Variants in NKAIN3 observed in about 807,000 individuals in gnomAD.
NKAIN3 encodes sodium/potassium-transporting ATPase subunit beta-1-interacting protein 3.
NKAIN3 carries 25 observed loss-of-function variants against 30.2 expected under a neutral mutation model. That is an observed-to-expected ratio of 0.83 (90% CI 0.60 to 1.16). The LOEUF (loss-of-function observed/expected upper bound fraction) is 1.16, where lower values mean the gene tolerates loss of function less well. NKAIN3 is among the 50% of genes most tolerant of loss of function. The pLI is 0.00. For synonymous variants in NKAIN3, 91 were observed against 89.6 expected, an observed-to-expected ratio of 1.02 and a Z score of -0.09; for missense variants, 225 against 254.1, an observed-to-expected ratio of 0.89 and a Z score of 0.78.
At chr8:62,722,362 C>T (rs1021999062) in intron 3 of NKAIN3, among the ~76,000 whole-genome samples, 3 of 152,052 alleles carry the variant, frequency 2.0e-5, no homozygotes, top group South Asian at 4.1e-4. Context: ...TAAAACACTA[C>T]GAAAGATACC....
chr8:62,718,860 A>C (rs1814991730), intron 3 of NKAIN3, among the ~76,000 whole-genome samples: 1 of 152,068 alleles, frequency 6.6e-6, no homozygotes, highest in African/African-American at 2.4e-5. Context: ...TTTATTTTAA[A>C]GTATACATGT....
intron 1 of NKAIN3, among the ~76,000 whole-genome samples, chr8:62,522,557 A>C (rs1280682062): frequency 1.3e-5 from 2 of 152,072 alleles, no homozygotes; most frequent in African/African-American, 2.4e-5. Flanking sequence ...TGACAGCTCC[A>C]TGCGTGTCAT....
chr8:62,650,919 AAAT>A (rs1367823350), intron 3 of NKAIN3, among the ~76,000 whole-genome samples: 1 of 152,170 alleles, frequency 6.6e-6, no homozygotes, highest in Non-Finnish European at 1.5e-5. Context: ...ATGTTGGCTG[AAAT>A]AATATTTTCT....
intron 1 of NKAIN3, among the ~76,000 whole-genome samples, chr8:62,503,622 A>G (rs747514297): frequency 3.3e-5 from 5 of 152,008 alleles, no homozygotes; most frequent in Non-Finnish European, 5.9e-5. Flanking sequence ...GCAGCCGTCT[A>G]TGGACCTTCC....
At chr8:62,900,021 AC>A (rs1193767613) in intron 4 of NKAIN3, among the ~76,000 whole-genome samples, 2 of 109,452 alleles carry the variant, frequency 1.8e-5, no homozygotes, top group Non-Finnish European at 3.5e-5. Flanking sequence ...CCCTAAAGCT[AC>A]TGAAATTAAA....
At chr8:62,987,153 G>A (rs760887716), downstream of NKAIN3, among the ~76,000 whole-genome samples, 2 of 152,116 alleles carry the variant, frequency 1.3e-5, no homozygotes, top group African/African-American at 2.4e-5. Context: ...TTGGGAGGCC[G>A]AGGTGGCTGA....
chr8:62,863,325 A>G, intron 4 of NKAIN3: 2 of 1,549,028 alleles, frequency 1.3e-6, no homozygotes, highest in Non-Finnish European at 1.8e-6. Flanking sequence ...GAGGAGGAAT[A>G]CCTGCTTTCT....
intron 1 of NKAIN3, among the ~76,000 whole-genome samples, chr8:62,267,310 C>G (rs1435828647): frequency 6.6e-6 from 1 of 152,126 alleles, no homozygotes; most frequent in Admixed American, 6.6e-5. Context: ...AAACATTTTT[C>G]CTTATACAGA....
At chr8:62,528,350 T>TATATAATATAATATATA (rs1554543421) in intron 1 of NKAIN3, among the ~76,000 whole-genome samples, 23 of 137,400 alleles carry the variant, frequency 1.7e-4, no homozygotes, top group South Asian at 4.5e-4. Flanking sequence ...AATATATATA[T>TATATAATATAATATATA]ATATGACTTT....
rs756958944 is a variant in NKAIN3, at chr8:62,657,871, G to A, written c.273+68077G>A. ...GCCTGAAGTTCCTCATTTACACAAT[G>A]GGAATGAAACTACCTGTCCTGTCCT... On this transcript the variant is annotated intron_variant, in intron 3 of 6. Transcript: ENST00000623646. Among the ~76,000 whole-genome samples, 12 of 152,290 alleles carry A rather than the reference G, an allele frequency of 7.9e-5. No individual in the cohort carries two copies. In the East Asian group the frequency reaches 1.5e-3, roughly 20 times the overall value.
intron 3 of NKAIN3, among the ~76,000 whole-genome samples, chr8:62,618,772 G>C (rs981856482): frequency 3.3e-5 from 5 of 152,066 alleles, no homozygotes; most frequent in Non-Finnish European, 7.3e-5. Flanking sequence ...CGGGCATGGT[G>C]GTGGGCATCT....
chr8:62,384,749 T>A (rs1355143101), intron 1 of NKAIN3, among the ~76,000 whole-genome samples: 1 of 152,110 alleles, frequency 6.6e-6, no homozygotes, highest in African/African-American at 2.4e-5. Context: ...AGTGTTCACT[T>A]AAAAATTACA....
At chr8:62,625,144 C>T (rs1454913053) in intron 3 of NKAIN3, among the ~76,000 whole-genome samples, 1 of 152,028 alleles carries the variant, frequency 6.6e-6, no homozygotes, top group East Asian at 1.9e-4. Flanking sequence ...TGCCTTCTAG[C>T]ATTTGTTATA....
chr8:62,614,060 G>A (rs1811371847), intron 3 of NKAIN3, among the ~76,000 whole-genome samples: 1 of 152,066 alleles, frequency 6.6e-6, no homozygotes, highest in South Asian at 2.1e-4. Context: ...TATTTTTCTG[G>A]ATGGTGTTGA....
intron 1 of NKAIN3, among the ~76,000 whole-genome samples, chr8:62,426,875 A>G (rs1804824120): frequency 6.6e-6 from 1 of 152,020 alleles, no homozygotes. Context: ...GGAAGAAATT[A>G]TGTGCTACCC....
Position 62,369,799 on chromosome 8 carries a change from C to T in NKAIN3, c.54+120672C>T, listed in dbSNP as rs554817602. Among the ~76,000 whole-genome samples, 35 of 151,584 alleles carry T rather than the reference C, an allele frequency of 2.3e-4. 1 individual carries two copies. In the South Asian group the frequency reaches 7.3e-3, roughly 32 times the overall value. On this transcript the variant is annotated intron_variant, in intron 1 of 6. Transcript: ENST00000623646. ...AAGAGAATTGTAACTATACAGTTAA[C>T]AGATAGAGCCTTCCAGGTTCTGCCT...
chr8:62,406,085 G>GT (rs1253990819), intron 1 of NKAIN3, among the ~76,000 whole-genome samples: 6 of 152,150 alleles, frequency 3.9e-5, no homozygotes, highest in Non-Finnish European at 7.3e-5. Context: ...TCACCATAAT[G>GT]TTTAATGAAG....
chr8:62,248,959 GC>G lies in NKAIN3; in HGVS notation c.-114del. 1.1e-6 allele frequency: 1 copy of G among 944,078 alleles called. No homozygotes were observed. 58.5% of individuals were successfully genotyped at this position (944,078 alleles called of 1,614,324 possible). ...AGCCCTGGAGCCGCGAGCGGCGGCCGCGGGGCCGAGGAGCCTGGGCCGGGCC... is the reference window on the plus strand; with the variant it reads ...AGCCCTGGAGCCGCGAGCGGCGGCCGGGGGCCGAGGAGCCTGGGCCGGGCC... On this transcript the variant is annotated 5_prime_UTR_variant, in exon 1 of 7. Coordinates refer to ENST00000623646, the MANE Select transcript of NKAIN3 (RefSeq NM_001304533.3).
At chr8:62,650,983 T>C (rs1261851916) in intron 3 of NKAIN3, among the ~76,000 whole-genome samples, 1 of 152,094 alleles carries the variant, frequency 6.6e-6, no homozygotes, top group Non-Finnish European at 1.5e-5. Context: ...CAAGAATTCT[T>C]TTGTTTTGTT....
Sources: allele counts gnomAD v4.1 joint callset (sites outside exome capture counted in the v4.1 genomes callset), GRCh38; gene constraint gnomAD v4.1.1; transcripts MANE v1.5; gene names NCBI Gene and HGNC (gene_info 2026-07-23, HGNC 2026-07-21).